The following KIZ variants were observed in gnomAD, a reference collection of about 807,000 sequenced individuals.
KIZ encodes the protein kizuna centrosomal protein.
In KIZ, 68 loss-of-function variants were observed where a neutral mutation model predicts 79.6. That is an observed-to-expected ratio of 0.85 (90% CI 0.70 to 1.05). The LOEUF (loss-of-function observed/expected upper bound fraction) is 1.05. Among genes scored for constraint, KIZ ranks in the 50% least tolerant of loss-of-function variants. KIZ has a pLI of 0.00. For synonymous variants in KIZ, 280 were observed against 281.8 expected (o/e 0.99, Z 0.06); for missense variants, 797 against 800.4 (o/e 1.00, Z 0.05).
intron 4 of KIZ, among the ~76,000 whole-genome samples, chr20:21,146,559 G>A (rs2032859243): frequency 6.6e-6 from 1 of 152,166 alleles, no homozygotes; most frequent in Non-Finnish European, 1.5e-5. Context: ...TTGCCCTATA[G>A]CTACCGATGG....
At chr20:21,214,436 GCTTAACTTAAAATTATATTTGAAGGCTAT>G (rs1568984136) in intron 7 of KIZ, 70 bp from the exon 8 acceptor site, 2 of 811,854 alleles carry the variant, frequency 2.5e-6, no homozygotes, top group African/African-American at 3.4e-5. Context: ...CCTAAGTAAA[GCTTAACTTAAAATTATATTTGAAGGCTAT>G]CTTTGAGACC....
At chr20:21,230,998 G>C (rs371042778) in intron 10 of KIZ, among the ~76,000 whole-genome samples, 1 of 152,134 alleles carries the variant, frequency 6.6e-6, no homozygotes, top group African/African-American at 2.4e-5. Flanking sequence ...TCTGTTTCTG[G>C]TAAGTGTTAT....
rs577605797 is a variant in KIZ at position 21,207,619 on chromosome 20, A to G, written c.1446+2035A>G. Among the ~76,000 whole-genome samples, 4 of 151,580 alleles carry G rather than the reference A, an allele frequency of 2.6e-5. No individual in the cohort carries two copies. In the South Asian group the frequency reaches 8.4e-4, roughly 32 times the overall value. On this transcript the variant is annotated intron_variant, in intron 7 of 12. Transcript: ENST00000619189. Reference sequence around the variant, plus strand: ...AATAAATTATTACAAACATAGATACAGCCCCCCGTATGCCTTTCACAGATT... The same window carrying G: ...AATAAATTATTACAAACATAGATACGGCCCCCCGTATGCCTTTCACAGATT...
chr20:21,184,818 G>T (rs1223389625), intron 6 of KIZ, among the ~76,000 whole-genome samples: 1 of 152,146 alleles, frequency 6.6e-6, no homozygotes, highest in African/African-American at 2.4e-5. Context: ...GAGGTGGGAG[G>T]ATTACTTGAG....
At chr20:21,171,934 G>A (rs2034223686) in intron 6 of KIZ, among the ~76,000 whole-genome samples, 1 of 152,194 alleles carries the variant, frequency 6.6e-6, no homozygotes, top group African/African-American at 2.4e-5. Context: ...TATCCTTCCA[G>A]TCGTCCCCAC....
At chr20:21,160,200 G>A (rs2033589620) in intron 4 of KIZ, among the ~76,000 whole-genome samples, 2 of 152,114 alleles carry the variant, frequency 1.3e-5, no homozygotes, top group African/African-American at 2.4e-5. Flanking sequence ...GCTGCTCTCT[G>A]GTGACCACTT....
chr20:21,168,255 A>AT (rs1224549985), intron 6 of KIZ, among the ~76,000 whole-genome samples: 4 of 152,070 alleles, frequency 2.6e-5, no homozygotes, highest in Non-Finnish European at 5.9e-5. Context: ...TGAACTCATC[A>AT]TTTTTTATGG....
chr20:21,176,258 C>G (rs896340054), intron 6 of KIZ, among the ~76,000 whole-genome samples: 3 of 152,060 alleles, frequency 2.0e-5, no homozygotes, highest in African/African-American at 7.2e-5. Context: ...TGCAGTGAGC[C>G]AAGATCGCAC....
chr20:21,170,732 T>G (rs970447599), intron 6 of KIZ, among the ~76,000 whole-genome samples: 3 of 152,158 alleles, frequency 2.0e-5, no homozygotes, highest in African/African-American at 7.2e-5. Context: ...TATCTTTTTG[T>G]ATCCGTTAAC....
chr20:21,237,194 C>T (rs910963280), intron 11 of KIZ, among the ~76,000 whole-genome samples: 8 of 145,244 alleles, frequency 5.5e-5, no homozygotes, highest in East Asian at 4.2e-4. Context: ...CCCAGCCACT[C>T]GGGAGGCTGA....
At chr20:21,239,996 A>G (rs2037161151) in intron 11 of KIZ, among the ~76,000 whole-genome samples, 1 of 152,222 alleles carries the variant, frequency 6.6e-6, no homozygotes, top group Admixed American at 6.5e-5. Context: ...GCAGAATGGT[A>G]ACAAGTGAGC....
intron 6 of KIZ, among the ~76,000 whole-genome samples, chr20:21,174,428 T>C (rs1171373120): frequency 1.3e-5 from 2 of 152,146 alleles, no homozygotes; most frequent in Non-Finnish European, 2.9e-5. Context: ...GAATCTTTAC[T>C]ACCTGGATAG....
At chr20:21,131,628 T>C (rs73900192) in intron 1 of KIZ, among the ~76,000 whole-genome samples, 5 of 152,094 alleles carry the variant, frequency 3.3e-5, no homozygotes. Context: ...ACTTATCTTG[T>C]TTATTATTGT....
chr20:21,136,594 T>C (rs1600355822), intron 3 of KIZ, 42 bp downstream of exon 3: 3 of 1,375,582 alleles, frequency 2.2e-6, no homozygotes, highest in African/African-American at 1.6e-5. Context: ...TATTTGTTGT[T>C]GTGTGTTTTT....
At chr20:21,179,018 G>C (rs1334920204) in intron 6 of KIZ, among the ~76,000 whole-genome samples, 1 of 152,000 alleles carries the variant, frequency 6.6e-6, no homozygotes, top group Non-Finnish European at 1.5e-5. Context: ...TAGGCATATT[G>C]GTCTGTAGTT....
chr20:21,223,866 C>T lies in KIZ; in HGVS notation c.1679-5145C>T, dbSNP rs1054597621. Among the ~76,000 whole-genome samples the T allele has an allele frequency of 4.6e-5, 7 of 152,000 alleles. No homozygotes were observed. The South Asian group carries it at 6.2e-4, about 14-fold the overall frequency. The stretch of plus-strand genomic sequence containing the variant: ...TGTATTTTTGTATTTATAGTAGAGA[C>T]GGGGTTTCACCATGTTGGTCAGGCT... On this transcript the variant is annotated intron_variant, in intron 9 of 12. Transcript: ENST00000619189.
At chr20:21,147,824 A>T (rs2122529566) in intron 4 of KIZ, among the ~76,000 whole-genome samples, 1 of 152,154 alleles carries the variant, frequency 6.6e-6, no homozygotes, top group East Asian at 1.9e-4. Flanking sequence ...CTGGTGGAGG[A>T]GGTGGTGTGT....
At chr20:21,232,100 G>A (rs1272075093) in intron 10 of KIZ, among the ~76,000 whole-genome samples, 1 of 152,216 alleles carries the variant, frequency 6.6e-6, no homozygotes, top group East Asian at 1.9e-4. Context: ...ACCTGTAGCA[G>A]AAACATCCAA....
At chr20:21,144,568 A>G (rs1479378490) in intron 3 of KIZ, among the ~76,000 whole-genome samples, 3 of 152,140 alleles carry the variant, frequency 2.0e-5, no homozygotes, top group South Asian at 2.1e-4. Context: ...ACTGCCATCT[A>G]TCATATAGTA....
Sources: allele counts gnomAD v4.1 joint callset (sites outside exome capture counted in the v4.1 genomes callset), GRCh38; gene constraint gnomAD v4.1.1; transcripts MANE v1.5; gene names NCBI Gene and HGNC (gene_info 2026-07-23, HGNC 2026-07-21).